GGA3: variants seen among roughly 807,000 people sequenced by gnomAD.
The protein encoded by GGA3 is ADP-ribosylation factor-binding protein GGA3.
Under a neutral mutation model 77.5 loss-of-function variants are expected in GGA3, and 57 were observed. The observed-to-expected ratio is 0.74, with a 90% confidence interval of 0.59 to 0.92. The LOEUF is 0.92. Ranked by LOEUF, GGA3 falls within the 40% of genes least tolerant of loss-of-function variation. The pLI, the probability that GGA3 is intolerant of heterozygous loss-of-function variation, is 0.00. For missense variants in GGA3, 970 were observed against 914.9 expected (o/e 1.06, Z -0.78); for synonymous variants, 416 against 383.7 (o/e 1.08, Z -0.98).
At chr17:75,240,590 C>CG (rs751428102) in intron 11 of GGA3, 178 bp from the exon 12 acceptor site, 5 of 658,710 alleles carry the variant, frequency 7.6e-6, no homozygotes, top group Middle Eastern at 4.2e-4. Flanking sequence ...GATGCAGAAG[C>CG]GGGGGGCCTG....
chr17:75,248,744 C>T (rs1301296403), intron 1 of GGA3: 1 of 544,376 alleles, frequency 1.8e-6, no homozygotes, highest in African/African-American at 2.0e-5. Context: ...CGAGATCGTG[C>T]CATTGCACTC....
intron 1 of GGA3, chr17:75,248,785 A>T (rs1200205609): frequency 1.9e-5 from 14 of 719,348 alleles, no homozygotes; most frequent in African/African-American, 3.3e-5. Context: ...AACTCTGTCT[A>T]AAAAAAAAAC....
intron 1 of GGA3, among the ~76,000 whole-genome samples, chr17:75,254,139 C>T (rs1051010328): frequency 3.3e-5 from 5 of 152,234 alleles, no homozygotes; most frequent in East Asian, 1.9e-4. Flanking sequence ...CTTTCCCTCC[C>T]GCCTGTCCCC....
At chr17:75,258,407 C>T (rs1427436425) in intron 1 of GGA3, among the ~76,000 whole-genome samples, 1 of 152,160 alleles carries the variant, frequency 6.6e-6, no homozygotes, top group Non-Finnish European at 1.5e-5. Context: ...GTAGCTCAAG[C>T]CTGTAATCCC....
intron 1 of GGA3, among the ~76,000 whole-genome samples, chr17:75,258,901 C>G (rs2077247124): frequency 6.6e-6 from 1 of 151,954 alleles, no homozygotes; most frequent in South Asian, 2.1e-4. Flanking sequence ...ATCTCTTCCC[C>G]CATCCCCAGT....
Position 75,243,045 on chromosome 17 carries a change from G to A in GGA3, c.528+18C>T. ...CCACTCTCGTATGAGAAAATCCCAG[G>A]CCCAGGGTGTCCTTTACCTTGGACT... is the stretch of plus-strand genomic sequence containing the variant. On this transcript the variant is annotated intron_variant, in intron 6 of 16. Coordinates refer to ENST00000537686, the MANE Select transcript of GGA3 (RefSeq NM_138619.4). 1 of 1,584,396 alleles carries A rather than the reference G, an allele frequency of 6.3e-7. No homozygotes were observed. The highest frequency in any genetic ancestry group is 8.7e-7 in the Non-Finnish European group (1 of 1,153,072).
At position 75,261,552 on chromosome 17, in the gene GGA3, C is replaced by T; in HGVS notation, c.36G>A (p.Trp12Ter). ...GAAACGGCCGCGGCTACTCACTGAGCCAGGACTCCAGGCTTTCCCCTTCCG... is the reference window on the plus strand; with the variant it reads ...GAAACGGCCGCGGCTACTCACTGAGTCAGGACTCCAGGCTTTCCCCTTCCG... ...AEAEGESLES[W>*]LNKATNPSNR... The change falls in exon 1 of 17, where the codon TGG (tryptophan) becomes TGA (stop). Residue 12 changes from tryptophan to a stop codon, truncating the protein, a stop_gained. Coordinates refer to ENST00000537686, the MANE Select transcript of GGA3 (RefSeq NM_138619.4). LOFTEE classifies it high-confidence loss of function. 6.5e-7 allele frequency: 1 copy of T among 1,543,512 alleles called. No homozygotes were observed.
intron 10 of GGA3, 57 bp from the exon 11 acceptor site, chr17:75,241,114 G>C: frequency 6.3e-7 from 1 of 1,594,032 alleles, no homozygotes; most frequent in Non-Finnish European, 8.6e-7. Context: ...GTGGCTGTGT[G>C]GCAGGAGGCA....
rs1412940402 is a variant in GGA3 at position 75,246,509 on chromosome 17, C to A, written c.201G>T (p.Thr67=). The A allele has an allele frequency of 1.2e-6, 2 of 1,600,642 alleles. No individual in the cohort carries two copies. The highest frequency in any genetic ancestry group is 1.7e-6 in the Non-Finnish European group (2 of 1,167,768). ...CACCTCCGGAGAGTGAAGGACCTACCGTCAGGGCCTGGAGCGCCTCCCATT... is the reference window on the plus strand; with the variant it reads ...CACCTCCGGAGAGTGAAGGACCTACAGTCAGGGCCTGGAGCGCCTCCCATT... ...PQEWEALQAL[T]VLEACMKNCG... Residue 67 remains threonine, a splice_region_variant and synonymous_variant, in exon 3 of 17, where the codon ACG becomes ACT. Coordinates refer to ENST00000537686, the MANE Select transcript of GGA3 (RefSeq NM_138619.4).
intron 1 of GGA3, 144 bp from the exon 2 acceptor site, chr17:75,246,940 CA>C (rs1364702058): frequency 1.7e-6 from 1 of 574,352 alleles, no homozygotes; most frequent in Non-Finnish European, 3.1e-6. Context: ...CAGTCAGTAG[CA>C]AGGAGACAGA....
At chr17:75,262,008 G>A (rs749361233), upstream of GGA3, 2 of 1,600,882 alleles carry the variant, frequency 1.2e-6, no homozygotes, top group Non-Finnish European at 1.7e-6. Flanking sequence ...AGCAGCGGCG[G>A]GGGGGCGCTG....
At chr17:75,253,207 G>A (rs2077031029) in intron 1 of GGA3, among the ~76,000 whole-genome samples, 1 of 152,120 alleles carries the variant, frequency 6.6e-6, no homozygotes, top group Admixed American at 6.5e-5. Flanking sequence ...CAGGTAGGCG[G>A]CCTCTTCTTA....
chr17:75,251,835 G>C (rs577444909), intron 1 of GGA3, among the ~76,000 whole-genome samples: 99 of 147,370 alleles, frequency 6.7e-4, no homozygotes, highest in Admixed American at 1.2e-3. Flanking sequence ...GCAGTGGTGC[G>C]ATCATGGCTT....
In GGA3 at chr17:75,246,727, T is replaced by C. The variant is rs757308938; in HGVS notation, c.110A>G (p.Asn37Ser). The change falls in exon 2 of 17, where the codon AAC (asparagine) becomes AGC (serine). Residue 37 changes from asparagine (N) to serine (S), a missense_variant. Physicochemically the swap from Asn to Ser is conservative, Grantham distance 46. Transcript: ENST00000537686. The part of the protein sequence containing the change: ...EYIIGFCDQI[N>S]KELEGPQIAV... ...TGAGACTCACCCTTCCAGCTCCTTGTTGATCTGATCACAGAAGCCAATTAT... is the reference window on the plus strand; with the variant it reads ...TGAGACTCACCCTTCCAGCTCCTTGCTGATCTGATCACAGAAGCCAATTAT... The C allele has an allele frequency of 1.2e-6, 2 of 1,613,844 alleles. No homozygotes were observed. The highest frequency in any genetic ancestry group is 1.7e-6 in the Non-Finnish European group (2 of 1,179,712).
chr17:75,248,561 C>T (rs184198505), intron 1 of GGA3, among the ~76,000 whole-genome samples: 2 of 147,912 alleles, frequency 1.4e-5, no homozygotes, highest in Admixed American at 6.8e-5. Context: ...CCGAGGCAGG[C>T]GGATCACCTG....
Position 75,244,634 on chromosome 17 carries a change from T to C in GGA3, c.285A>G (p.Lys95=). The C allele has an allele frequency of 6.2e-7, 1 of 1,611,604 alleles. No homozygotes were observed. Among genetic ancestry groups the C allele is most frequent in the South Asian group, 1.1e-5 (1 of 91,038 alleles). ...GCTGACTGACCTTTGGAGAGACGAC[T>C]TTGATTAACTCATTCAAAAAGCGGA... ...GKFRFLNELI[K]VVSPKYLGDR... Residue 95 remains lysine (K), a synonymous_variant, in exon 4 of 17, where the codon AAA becomes AAG. Coordinates refer to ENST00000537686, the MANE Select transcript of GGA3 (RefSeq NM_138619.4).
At chr17:75,245,329 G>C (rs984670029) in intron 3 of GGA3, among the ~76,000 whole-genome samples, 1 of 152,162 alleles carries the variant, frequency 6.6e-6, no homozygotes, top group Non-Finnish European at 1.5e-5. Flanking sequence ...GGTGAGGCCT[G>C]GCTGACATTT....
In GGA3 at chr17:75,239,586, G is replaced by A; in HGVS notation, c.1584-15C>T. On this transcript the variant is annotated splice_polypyrimidine_tract_variant and intron_variant, in intron 13 of 16. Coordinates refer to ENST00000537686, the MANE Select transcript of GGA3 (RefSeq NM_138619.4). ...AGCCCGAGGTCCTGGGAGGTGGGAA[G>A]GATGGAAAGCACGTCAGAGAGCCAG... 16 of 1,549,438 alleles carry A rather than the reference G, an allele frequency of 1.0e-5. No homozygotes were observed. The highest frequency in any genetic ancestry group is 1.4e-5 in the Non-Finnish European group (16 of 1,144,084).
intron 15 of GGA3, 41 bp from the exon 16 acceptor site, chr17:75,238,803 C>A (rs2076414028): frequency 1.3e-6 from 2 of 1,573,064 alleles, no homozygotes; most frequent in Non-Finnish European, 8.7e-7. Flanking sequence ...CTGGTAGGTG[C>A]CCCCAGATGG....
Sources: gnomAD v4.1 joint callset for allele counts (sites outside exome capture counted in the v4.1 genomes callset) on GRCh38, gnomAD v4.1.1 for gene constraint, MANE v1.5 for transcripts, NCBI Gene and HGNC (gene_info 2026-07-23, HGNC 2026-07-21) for gene names.